EPHA6: variants seen among roughly 807,000 people sequenced by gnomAD.
The protein encoded by EPHA6 is EPH receptor A6.
EPHA6 carries 50 observed loss-of-function variants against 112.0 expected under a neutral mutation model. The ratio of observed to expected loss-of-function variants is 0.45; its 90% CI spans 0.36 to 0.56. The LOEUF (loss-of-function observed/expected upper bound fraction) is 0.56. Ranked by LOEUF, EPHA6 falls within the 20% of genes least tolerant of loss-of-function variation. EPHA6 has a pLI of 0.00. For synonymous variants in EPHA6, 529 were observed against 490.7 expected, an observed-to-expected ratio of 1.08 and a Z score of -1.03; for missense variants, 1,280 against 1,417.4, an observed-to-expected ratio of 0.90 and a Z score of 1.56.
intron 1 of EPHA6, among the ~76,000 whole-genome samples, chr3:96,822,183 C>T (rs2033313238): frequency 1.3e-5 from 2 of 152,016 alleles, no homozygotes; most frequent in South Asian, 4.1e-4. Context: ...ATAAATATTT[C>T]ACACATTTAA....
intron 6 of EPHA6, among the ~76,000 whole-genome samples, chr3:97,417,248 C>T (rs2088198450): frequency 6.6e-6 from 1 of 152,120 alleles, no homozygotes; most frequent in East Asian, 1.9e-4. Context: ...CCATGTTTGT[C>T]TCTCCATGTT....
intron 6 of EPHA6, among the ~76,000 whole-genome samples, chr3:97,405,488 G>A (rs1183602247): frequency 6.6e-6 from 1 of 152,052 alleles, no homozygotes; most frequent in Admixed American, 6.6e-5. Context: ...TAAAGTAGAA[G>A]ATGTAAGATG....
chr3:97,736,049 T>C lies in EPHA6; in HGVS notation c.3059T>C (p.Ile1020Thr). 1 of 1,612,676 alleles carries C rather than the reference T, an allele frequency of 6.2e-7. No individual in the cohort carries two copies. The highest frequency in any genetic ancestry group is 8.5e-7 in the Non-Finnish European group (1 of 1,179,174). ...AATCACAGACCAAAATTTACTGACA[T>C]TGTCAGCTTCCTTGACAAACTGATC... ...ERNHRPKFTD[I>T]VSFLDKLIRN... Residue 1020 changes from isoleucine to threonine, a missense_variant, in exon 16 of 18, where the codon ATT (isoleucine) becomes ACT (threonine). Ile to Thr is a moderately conservative substitution (Grantham distance 89). Around this residue, in one of 4 missense-constraint regions of EPHA6, gnomAD observed 145 missense variants for 153.3 expected, o/e 0.95. Coordinates refer to ENST00000389672, the MANE Select transcript of EPHA6 (RefSeq NM_001080448.3).
At chr3:97,668,063 C>G (rs928504027) in intron 14 of EPHA6, among the ~76,000 whole-genome samples, 8 of 151,778 alleles carry the variant, frequency 5.3e-5, no homozygotes, top group African/African-American at 1.9e-4. Flanking sequence ...TATTTTTTTG[C>G]ATTTGCTTTT....
At chr3:97,193,308 T>C (rs1273373148) in intron 3 of EPHA6, among the ~76,000 whole-genome samples, 2 of 152,016 alleles carry the variant, frequency 1.3e-5, no homozygotes, top group Non-Finnish European at 2.9e-5. Flanking sequence ...ACCTCTTGAG[T>C]TTTTTTGCAT....
Position 97,635,495 on chromosome 3 carries a change from G to A in EPHA6, c.2575-2378G>A, listed in dbSNP as rs543031595. 6.6e-5 allele frequency among the ~76,000 whole-genome samples: 10 copies of A among 152,144 alleles called. 1 individual carries two copies. The South Asian group carries it at 1.5e-3, about 22-fold the overall frequency. ...TAAAATGAATAAATTACTGATACAT[G>A]CTACAATGTGGATGAACCTTGGAAA... On this transcript the variant is annotated intron_variant, in intron 13 of 17. Transcript: ENST00000389672.
rs532612459 is a variant in EPHA6, at chr3:97,637,962, T to C, written c.2664T>C (p.Tyr888=). The part of the protein sequence containing the change: ...SGMKYLSDMG[Y]VHRDLAARNI... ...TGAAGTATCTTTCTGATATGGGTTA[T>C]GTTCATCGAGACCTAGCGGCTCGGA... is the stretch of plus-strand genomic sequence containing the variant. Residue 888 remains tyrosine (Y), a synonymous_variant, in exon 14 of 18, where the codon TAT becomes TAC. Transcript: ENST00000389672. 4 of 1,613,962 alleles carry C rather than the reference T, an allele frequency of 2.5e-6. No homozygotes were observed. In the African/African-American group the frequency reaches 4.0e-5, roughly 16 times the overall value.
intron 4 of EPHA6, among the ~76,000 whole-genome samples, chr3:97,235,295 A>G (rs980737708): frequency 1.3e-5 from 2 of 152,092 alleles, no homozygotes; most frequent in African/African-American, 4.8e-5. Flanking sequence ...AATAACTAAT[A>G]ATTTCAAGCT....
Position 96,827,993 on chromosome 3 carries a change from G to T in EPHA6, c.385+12985G>T, listed in dbSNP as rs575903819. On this transcript the variant is annotated intron_variant, in intron 1 of 17. Transcript: ENST00000389672. ...ATTCGTGATTATTGTTCTATTTCGG[G>T]TTGTCTTTGTGGCTAGGATGTTAAC... Among the ~76,000 whole-genome samples, 5 of 152,082 alleles carry T rather than the reference G, an allele frequency of 3.3e-5. No homozygotes were observed. The South Asian group carries it at 1.0e-3, about 32-fold the overall frequency.
At chr3:97,095,714 A>C (rs1310387862) in intron 3 of EPHA6, among the ~76,000 whole-genome samples, 3 of 151,914 alleles carry the variant, frequency 2.0e-5, no homozygotes, top group Non-Finnish European at 4.4e-5. Context: ...TTAGAGCAGT[A>C]GTTCACAAAC....
chr3:97,371,743 A>T (rs1203212585), intron 5 of EPHA6, among the ~76,000 whole-genome samples: 6 of 152,148 alleles, frequency 3.9e-5, no homozygotes, highest in Admixed American at 2.0e-4. Context: ...AATAGGAGAA[A>T]TATTGCTGAA....
At chr3:97,492,989 T>C (rs56403435) in intron 10 of EPHA6, among the ~76,000 whole-genome samples, 10,179 of 151,572 alleles carry the variant, frequency 0.067, 1,067 homozygotes, top group African/African-American at 0.22. Context: ...TTTTTTTTTT[T>C]TTGATGTGAA....
At chr3:97,171,552 C>G (rs919332202) in intron 3 of EPHA6, among the ~76,000 whole-genome samples, 1 of 152,006 alleles carries the variant, frequency 6.6e-6, no homozygotes, top group African/African-American at 2.4e-5. Context: ...ATAGAACCAT[C>G]TTAGAAGTGA....
chr3:97,701,878 C>T (rs1161082954), intron 14 of EPHA6, among the ~76,000 whole-genome samples: 1 of 152,074 alleles, frequency 6.6e-6, no homozygotes, highest in Admixed American at 6.6e-5. Context: ...TGATTCCAAG[C>T]CATTTCCTCA....
chr3:97,387,316 GTTT>G (rs1451719738), intron 5 of EPHA6, among the ~76,000 whole-genome samples: 1 of 132,234 alleles, frequency 7.6e-6, no homozygotes. Flanking sequence ...TTACAATTCA[GTTT>G]TTTTTTTTTT....
In EPHA6 at chr3:97,754,268, A is replaced by G. The variant is rs1258375224; in HGVS notation, c.*5567A>G. Among the ~76,000 whole-genome samples the G allele has an allele frequency of 6.6e-6, 1 of 151,886 alleles. No homozygotes were observed. Among genetic ancestry groups the G allele is most frequent in the East Asian group, 1.9e-4 (1 of 5,158 alleles). ...CACGCCCAGCTAATTTTGTATTTTTAGTAGAGACGGGATTTCTCCATGTTG... is the reference window on the plus strand; with the variant it reads ...CACGCCCAGCTAATTTTGTATTTTTGGTAGAGACGGGATTTCTCCATGTTG... On this transcript the variant is annotated 3_prime_UTR_variant, in exon 18 of 18. Transcript: ENST00000389672.
chr3:97,254,403 T>C (rs1349159530), intron 5 of EPHA6, among the ~76,000 whole-genome samples: 2 of 152,216 alleles, frequency 1.3e-5, no homozygotes, highest in African/African-American at 4.8e-5. Context: ...TTAGCCATGA[T>C]GGTCTCAATC....
At chr3:96,908,218 A>G (rs2039037565) in intron 2 of EPHA6, among the ~76,000 whole-genome samples, 2 of 152,010 alleles carry the variant, frequency 1.3e-5, no homozygotes, top group African/African-American at 4.8e-5. Context: ...ACCTCTATAT[A>G]TGCAGTCAGT....
chr3:97,697,227 C>T (rs949999011), intron 14 of EPHA6, among the ~76,000 whole-genome samples: 51 of 152,170 alleles, frequency 3.4e-4, no homozygotes, highest in African/African-American at 1.2e-3. Flanking sequence ...GGGTATGGAG[C>T]AATGGGTAAC....
Sources: allele counts gnomAD v4.1 joint callset (sites outside exome capture counted in the v4.1 genomes callset), GRCh38; gene constraint gnomAD v4.1.1; regional missense constraint gnomAD v4.1.1; transcripts MANE v1.5; gene names NCBI Gene and HGNC (gene_info 2026-07-23, HGNC 2026-07-21).